Variants in ITGB1 observed in about 807,000 individuals in gnomAD.
ITGB1 encodes the protein integrin beta-1.
A neutral mutation model predicts 86.5 loss-of-function variants in ITGB1; 24 were observed. The observed-to-expected ratio is 0.28, with a 90% CI of 0.20 to 0.39. ITGB1 has a LOEUF of 0.39. Ranked by LOEUF, ITGB1 falls within the 10% of genes least tolerant of loss-of-function variation. The pLI, the probability that ITGB1 is intolerant of heterozygous loss-of-function variation, is 1.00. For synonymous variants in ITGB1, 323 were observed against 316.8 expected (o/e 1.02, Z -0.21); for missense variants, 556 against 946.9 (o/e 0.59, Z 5.42).
At chr10:32,921,238 A>C (rs2094948991) in intron 9 of ITGB1, among the ~76,000 whole-genome samples, 1 of 151,974 alleles carries the variant, frequency 6.6e-6, no homozygotes, top group African/African-American at 2.4e-5. Flanking sequence ...GAGACTATTC[A>C]GGACAAATGG....
rs1036151655 is a variant in ITGB1 at position 32,935,500 on chromosome 10, G to A, written c.59C>T (p.Ala20Val). Reference sequence around the variant, plus strand: ...AAATTTTTTGTTTTTACCTGTTTGAGCAAACACACAGCAAACTGAACTGAT... The same window carrying A: ...AAATTTTTTGTTTTTACCTGTTTGAACAAACACACAGCAAACTGAACTGAT... The part of the protein sequence containing the change: ...GLISSVCCVF[A>V]QTDENRCLKA... Residue 20 changes from alanine to valine, a missense_variant, in exon 2 of 16, where the codon GCT becomes GTT. Ala to Val is a moderately conservative substitution (Grantham distance 64). This residue lies in a region of ITGB1 where 183 missense variants were observed against 263.9 expected (regional missense o/e 0.69). Transcript: ENST00000302278. 3.1e-6 allele frequency: 5 copies of A among 1,612,176 alleles called. No individual in the cohort carries two copies. The highest frequency in any genetic ancestry group is 4.2e-6 in the Non-Finnish European group (5 of 1,178,550).
chr10:32,952,234 A>C (rs1437886025), intron 1 of ITGB1, among the ~76,000 whole-genome samples: 1 of 152,168 alleles, frequency 6.6e-6, no homozygotes, highest in African/African-American at 2.4e-5. Flanking sequence ...AGCAGCTCAT[A>C]ATTTACATGA....
chr10:32,933,909 T>C (rs556117703), intron 2 of ITGB1, among the ~76,000 whole-genome samples: 1 of 152,192 alleles, frequency 6.6e-6, no homozygotes, highest in Non-Finnish European at 1.5e-5. Flanking sequence ...TATTTAATGC[T>C]GGACAAATTT....
intron 1 of ITGB1, among the ~76,000 whole-genome samples, chr10:32,936,883 G>A (rs958056115): frequency 5.3e-5 from 8 of 152,138 alleles, no homozygotes; most frequent in African/African-American, 1.9e-4. Context: ...ATCGTTATTG[G>A]AAAATGTAAA....
intron 15 of ITGB1, among the ~76,000 whole-genome samples, chr10:32,906,278 A>G (rs971818508): frequency 3.3e-5 from 5 of 152,176 alleles, no homozygotes; most frequent in African/African-American, 7.2e-5. Context: ...AAATTTACTC[A>G]TAACAAATTT....
intron 1 of ITGB1, among the ~76,000 whole-genome samples, chr10:32,944,002 C>G (rs1388655449): frequency 6.6e-6 from 1 of 152,304 alleles, no homozygotes; most frequent in East Asian, 1.9e-4. Flanking sequence ...ACTAACACTT[C>G]TAAGAACTAC....
intron 1 of ITGB1, among the ~76,000 whole-genome samples, chr10:32,952,575 T>C (rs1279510409): frequency 6.6e-6 from 1 of 152,226 alleles, no homozygotes; most frequent in Non-Finnish European, 1.5e-5. Flanking sequence ...GCTAATTTCA[T>C]AGATTACGAA....
rs201245799 is a variant in ITGB1 at position 32,935,477 on chromosome 10, A to T, written c.67+15T>A. The T allele has an allele frequency of 4.6e-5, 73 of 1,587,200 alleles. No homozygotes were observed. Among genetic ancestry groups the T allele is most frequent in the Non-Finnish European group, 5.6e-5 (65 of 1,155,862 alleles). On this transcript the variant is annotated intron_variant, in intron 2 of 15. Transcript: ENST00000302278. ...CGGAAATGAAAAGACAACTAAGAAA[A>T]TTTTTTGTTTTTACCTGTTTGAGCA...
At chr10:32,906,940 C>A in intron 15 of ITGB1, 2 of 482,902 alleles carry the variant, frequency 4.1e-6, no homozygotes, top group Non-Finnish European at 7.9e-6. Flanking sequence ...AAAAGAAAAG[C>A]CACAATAGCG....
At chr10:32,919,559 A>C (rs1328320930) in intron 11 of ITGB1, among the ~76,000 whole-genome samples, 2 of 152,126 alleles carry the variant, frequency 1.3e-5, no homozygotes, top group Non-Finnish European at 2.9e-5. Flanking sequence ...TATAAACGTT[A>C]TTTTACACAA....
At chr10:32,957,449 G>C (rs1001966428) in intron 1 of ITGB1, among the ~76,000 whole-genome samples, 1 of 152,156 alleles carries the variant, frequency 6.6e-6, no homozygotes, top group African/African-American at 2.4e-5. Context: ...TGCCCGGCAG[G>C]GACCGGCGAC....
intron 1 of ITGB1, among the ~76,000 whole-genome samples, chr10:32,952,136 T>C (rs1340471208): frequency 6.6e-6 from 1 of 152,096 alleles, no homozygotes; most frequent in Non-Finnish European, 1.5e-5. Flanking sequence ...TACACATCAG[T>C]AAGCTGTAAA....
At chr10:32,917,052 T>A (rs1388325443) in intron 11 of ITGB1, among the ~76,000 whole-genome samples, 6 of 152,096 alleles carry the variant, frequency 3.9e-5, no homozygotes, top group African/African-American at 1.2e-4. Context: ...TCTACAACCA[T>A]CTGATCTTTG....
intron 1 of ITGB1, among the ~76,000 whole-genome samples, chr10:32,957,441 C>G (rs543600306): frequency 6.6e-6 from 1 of 152,302 alleles, no homozygotes; most frequent in East Asian, 1.9e-4. Context: ...TCCCGGGGTG[C>G]CCGGCAGGGA....
intron 1 of ITGB1, chr10:32,935,851 A>T (rs1290636025): frequency 8.2e-6 from 2 of 243,452 alleles, no homozygotes; most frequent in African/African-American, 4.5e-5. Flanking sequence ...CAGCGCTCAA[A>T]AAAAAAATCA....
At chr10:32,905,043 TAAA>T (rs5784310) in intron 15 of ITGB1, among the ~76,000 whole-genome samples, 2 of 142,378 alleles carry the variant, frequency 1.4e-5, no homozygotes, top group Non-Finnish European at 1.5e-5. Context: ...AAATATGTAT[TAAA>T]AAAAAAAAAA....
chr10:32,926,016 G>A lies in ITGB1; in HGVS notation c.641C>T (p.Thr214Ile). The change falls in exon 6 of 16, where the codon ACC (threonine) becomes ATC (isoleucine). Residue 214 changes from threonine to isoleucine, a missense_variant. Thr to Ile is a moderately conservative substitution (Grantham distance 89, BLOSUM62 -1). Around this residue, in one of 4 missense-constraint regions of ITGB1, gnomAD observed 183 missense variants for 263.9 expected, o/e 0.69. Transcript: ENST00000302278. ...RNPCTSEQNC[T>I]SPFSYKNVLS... ...CACATTTTTGTAGCTAAATGGGCTGGTGCAGTTCTGTTCACTTGTGCAAGG... is the reference window on the plus strand; with the variant it reads ...CACATTTTTGTAGCTAAATGGGCTGATGCAGTTCTGTTCACTTGTGCAAGG... 1.9e-6 allele frequency: 3 copies of A among 1,614,018 alleles called. No individual in the cohort carries two copies. Among genetic ancestry groups the A allele is most frequent in the Non-Finnish European group, 2.5e-6 (3 of 1,179,934 alleles).
At chr10:32,955,129 C>T (rs1486200022) in intron 1 of ITGB1, among the ~76,000 whole-genome samples, 1 of 152,190 alleles carries the variant, frequency 6.6e-6, no homozygotes, top group Non-Finnish European at 1.5e-5. Context: ...TAGCATAACA[C>T]TTCAGGATTC....
chr10:32,941,736 A>G lies in ITGB1; in HGVS notation c.1-6178T>C, dbSNP rs190069367. The stretch of plus-strand genomic sequence containing the variant: ...AGAGGTGACAAATGTCTAAATTCAG[A>G]TAACAGCAACAAACAAGAAGACGAA... On this transcript the variant is annotated intron_variant, in intron 1 of 15. Coordinates refer to ENST00000302278, the MANE Select transcript of ITGB1 (RefSeq NM_002211.4). 3.0e-4 allele frequency among the ~76,000 whole-genome samples: 46 copies of G among 152,344 alleles called. 1 individual carries two copies. The highest frequency in any genetic ancestry group is 6.8e-3 in the Middle Eastern group (2 of 294).
Sources: allele counts gnomAD v4.1 joint callset (sites outside exome capture counted in the v4.1 genomes callset), GRCh38; gene constraint gnomAD v4.1.1; regional missense constraint gnomAD v4.1.1; transcripts MANE v1.5; gene names NCBI Gene and HGNC (gene_info 2026-07-23, HGNC 2026-07-21).